Variants in ELP2 observed in about 807,000 individuals in gnomAD.
ELP2 encodes the protein elongator acetyltransferase complex subunit 2, also known as elongator complex protein 2.
ELP2 carries 90 observed loss-of-function variants against 119.2 expected under a neutral mutation model. The ratio of observed to expected loss-of-function variants is 0.75; its 90% CI spans 0.64 to 0.90. The LOEUF is 0.90. Among genes scored for constraint, ELP2 ranks in the 40% least tolerant of loss-of-function variants. The probability of loss-of-function intolerance (pLI) is 0.00; values close to 1 mark genes in which losing one functional copy is unlikely to be tolerated. For missense variants in ELP2, 921 were observed against 967.8 expected (o/e 0.95, Z 0.64); for synonymous variants, 339 against 331.0 (o/e 1.02, Z -0.26).
At chr18:36,157,813 A>G (rs1181842865) in intron 13 of ELP2, among the ~76,000 whole-genome samples, 1 of 152,202 alleles carries the variant, frequency 6.6e-6, no homozygotes, top group East Asian at 1.9e-4. Context: ...ACAAGATCAA[A>G]AGGGAAGCCT....
chr18:36,158,417 G>C (rs1469675913), intron 13 of ELP2: 3 of 164,324 alleles, frequency 1.8e-5, no homozygotes, highest in Non-Finnish European at 4.0e-5. Context: ...CTTCTGGGAA[G>C]CATCTGTGTT....
intron 13 of ELP2, 123 bp downstream of exon 13, chr18:36,156,777 T>A: frequency 2.1e-6 from 2 of 949,604 alleles, no homozygotes; most frequent in Non-Finnish European, 3.2e-6. Context: ...TTTCTTAATG[T>A]AAGATGTGAC....
chr18:36,138,480 A>G, intron 4 of ELP2, 54 bp downstream of exon 4: 9 of 1,565,068 alleles, frequency 5.8e-6, no homozygotes, highest in South Asian at 1.1e-5. Flanking sequence ...TAACAAATGA[A>G]TGACGAGTAG....
In ELP2 at chr18:36,167,143, C is replaced by T; in HGVS notation, c.1997C>T (p.Ser666Phe). Reference protein sequence around the residue: ...SLFAFTNKITSVHSRIIWSCD... With the variant: ...SLFAFTNKITFVHSRIIWSCD... ...TTTGCCTTCACCAACAAAATTACTT[C>T]TGTGCACAGTAGAATTATTTGGTCT... is the stretch of plus-strand genomic sequence containing the variant. The change falls in exon 19 of 22, where the codon TCT becomes TTT. Residue 666 changes from serine (S) to phenylalanine (F), a missense_variant. Transcript: ENST00000358232. 6.2e-7 allele frequency: 1 copy of T among 1,603,492 alleles called. No individual in the cohort carries two copies. Among genetic ancestry groups the T allele is most frequent in the Non-Finnish European group, 8.5e-7 (1 of 1,174,272 alleles).
intron 1 of ELP2, 77 bp downstream of exon 1, chr18:36,130,148 G>A: frequency 6.3e-7 from 1 of 1,595,472 alleles, no homozygotes; most frequent in East Asian, 2.2e-5. Flanking sequence ...CGCGCTGTTA[G>A]TTGCCGCCCC....
Position 36,175,976 on chromosome 18 carries a change from C to T in ELP2, c.*1335C>T, listed in dbSNP as rs1455562081. ...TGGAGGTTTCTAGGTCAGTGCTATA[C>T]AATATTTCTAATCTGTGTTTTATAG... On this transcript the variant is annotated 3_prime_UTR_variant, in exon 22 of 22. Coordinates refer to ENST00000358232, the MANE Select transcript of ELP2 (RefSeq NM_018255.4). The T allele has an allele frequency of 1.3e-5, 2 of 151,950 alleles. No individual in the cohort carries two copies. Among genetic ancestry groups the T allele is most frequent in the Non-Finnish European group, 1.5e-5 (1 of 67,992 alleles). 9.4% of individuals were successfully genotyped at this position (151,950 alleles called of 1,614,324 possible).
At position 36,174,848 on chromosome 18, in the gene ELP2, C is replaced by G. The variant is rs1483111530; in HGVS notation, c.*207C>G. On this transcript the variant is annotated 3_prime_UTR_variant, in exon 22 of 22. Transcript: ENST00000358232. The stretch of plus-strand genomic sequence containing the variant: ...AGTAGCTGGGACTAGAGGCACACCA[C>G]CAATTCCGGCTAATTTTTGTATTTT... 3.7e-6 allele frequency: 2 copies of G among 541,880 alleles called. No individual in the cohort carries two copies. Among genetic ancestry groups the G allele is most frequent in the Non-Finnish European group, 6.5e-6 (2 of 305,406 alleles). The allele number at this position is 541,880 out of a possible 1,614,324, so 33.6% of individuals were successfully genotyped here. A position where few individuals can be genotyped will look rare whatever the true frequency, so the allele number is the denominator to read the frequency against.
intron 19 of ELP2, among the ~76,000 whole-genome samples, chr18:36,168,509 C>T (rs1009981564): frequency 6.6e-6 from 1 of 152,180 alleles, no homozygotes; most frequent in Non-Finnish European, 1.5e-5. Context: ...CATCCTTCTT[C>T]ACGTGGTGGC....
intron 11 of ELP2, 114 bp downstream of exon 11, chr18:36,146,495 A>C: frequency 8.4e-7 from 1 of 1,190,038 alleles, no homozygotes. Flanking sequence ...TTGAAGTTCA[A>C]GTGACATAAC....
At chr18:36,140,404 T>C (rs556045322) in intron 5 of ELP2, among the ~76,000 whole-genome samples, 39 of 152,318 alleles carry the variant, frequency 2.6e-4, no homozygotes, top group African/African-American at 9.4e-4. Flanking sequence ...TGGAGTGCAG[T>C]GGTGCAATCT....
rs1002537691 is a variant in ELP2, at chr18:36,178,910, A to G, written c.*4269A>G. On this transcript the variant is annotated 3_prime_UTR_variant, in exon 22 of 22. Coordinates refer to ENST00000358232, the MANE Select transcript of ELP2 (RefSeq NM_018255.4). The stretch of plus-strand genomic sequence containing the variant: ...TCATACTATTCTAATTTTTTAATAT[A>G]CTTAAAATTTCCTTATAAGAATTGT... 2 of 152,272 alleles carry G rather than the reference A, an allele frequency of 1.3e-5. No individual in the cohort carries two copies. Among genetic ancestry groups the G allele is most frequent in the Admixed American group, 1.3e-4 (2 of 15,282 alleles). The allele number at this position is 152,272 out of a possible 1,614,324, so 9.4% of individuals were successfully genotyped here.
At chr18:36,173,674 A>G (rs2091148429) in intron 21 of ELP2, among the ~76,000 whole-genome samples, 1 of 152,200 alleles carries the variant, frequency 6.6e-6, no homozygotes, top group Non-Finnish European at 1.5e-5. Flanking sequence ...CCTTTTAATC[A>G]TGAGAATGCA....
At chr18:36,170,911 G>A in intron 20 of ELP2, 136 bp from the exon 21 acceptor site, 3 of 716,570 alleles carry the variant, frequency 4.2e-6, no homozygotes, top group Non-Finnish European at 7.7e-6. Context: ...AGTGCAGCAT[G>A]TCCTGGGCTG....
rs1047492605 is a variant in ELP2 at position 36,177,115 on chromosome 18, T to G, written c.*2474T>G. ...GGAAGTTACTGTGGTCTGTAACTTA[T>G]GAAATACATAAAAAATATGATGGGT... On this transcript the variant is annotated 3_prime_UTR_variant, in exon 22 of 22. Coordinates refer to ENST00000358232, the MANE Select transcript of ELP2 (RefSeq NM_018255.4). 2.0e-5 allele frequency: 3 copies of G among 152,132 alleles called. No individual in the cohort carries two copies. The highest frequency in any genetic ancestry group is 1.9e-4 in the East Asian group (1 of 5,198). 9.4% of individuals were successfully genotyped at this position (152,132 alleles called of 1,614,324 possible).
At chr18:36,145,132 A>C (rs2090157800) in intron 9 of ELP2, 98 bp downstream of exon 9, 1 of 882,212 alleles carries the variant, frequency 1.1e-6, no homozygotes, top group African/African-American at 1.6e-5. Context: ...CTGTGATTAG[A>C]AATCTCAAAT....
At chr18:36,144,864 C>T in intron 8 of ELP2, 75 bp from the exon 9 acceptor site, 2 of 1,251,076 alleles carry the variant, frequency 1.6e-6, no homozygotes, top group Non-Finnish European at 2.3e-6. Context: ...CATAATTGCC[C>T]AACTGTCTTG....
intron 21 of ELP2, among the ~76,000 whole-genome samples, chr18:36,173,868 C>G (rs553907126): frequency 1.3e-5 from 2 of 152,112 alleles, no homozygotes; most frequent in East Asian, 3.9e-4. Context: ...TCCTAACATA[C>G]GTTGGTAACA....
chr18:36,174,954 A>T lies in ELP2; in HGVS notation c.*313A>T. 1 of 338,454 alleles carries T rather than the reference A, an allele frequency of 3.0e-6. No individual in the cohort carries two copies. The highest frequency in any genetic ancestry group is 5.7e-6 in the Non-Finnish European group (1 of 176,988). The allele number at this position is 338,454 out of a possible 1,614,324, so 21.0% of individuals were successfully genotyped here. A position where few individuals can be genotyped will look rare whatever the true frequency, so the allele number is the denominator to read the frequency against. On this transcript the variant is annotated 3_prime_UTR_variant, in exon 22 of 22. Transcript: ENST00000358232. Reference sequence around the variant, plus strand: ...GTGATCTGCTTGCCTCGGCCTCCCAAAGTGCTGGGATTACAGGCGTGAGCC... The same window carrying T: ...GTGATCTGCTTGCCTCGGCCTCCCATAGTGCTGGGATTACAGGCGTGAGCC...
At chr18:36,134,246 C>G (rs1446110630) in intron 2 of ELP2, among the ~76,000 whole-genome samples, 3 of 151,976 alleles carry the variant, frequency 2.0e-5, no homozygotes, top group African/African-American at 7.3e-5. Flanking sequence ...TTTGTAAGAC[C>G]TATGAGATCA....
Sources: allele counts gnomAD v4.1 joint callset (sites outside exome capture counted in the v4.1 genomes callset), GRCh38; gene constraint gnomAD v4.1.1; transcripts MANE v1.5; gene names NCBI Gene and HGNC (gene_info 2026-07-23, HGNC 2026-07-21).